Variants in NFIB observed in about 807,000 individuals in gnomAD.
The protein encoded by NFIB is nuclear factor I B.
A neutral mutation model predicts 61.5 loss-of-function variants in NFIB; 11 were observed. The ratio of observed to expected loss-of-function variants is 0.18; its 90% CI spans 0.11 to 0.30. The LOEUF is 0.30. Among genes scored for constraint, NFIB ranks in the 10% least tolerant of loss-of-function variants. The pLI is 1.00. For synonymous variants in NFIB, 260 were observed against 216.5 expected (o/e 1.20, Z -1.76); for missense variants, 471 against 608.9 (o/e 0.77, Z 2.38).
intron 2 of NFIB, among the ~76,000 whole-genome samples, chr9:14,246,544 C>T (rs1489636557): frequency 6.6e-6 from 1 of 152,220 alleles, no homozygotes; most frequent in Non-Finnish European, 1.5e-5. Context: ...TCTATTTCCA[C>T]ACATCTCATA....
At chr9:14,519,379 C>A in the NFIB span, among the ~76,000 whole-genome samples, 1,877 of 152,202 alleles carry the variant, frequency 0.012, 49 homozygotes, top group African/African-American at 0.044. Context: ...AGTAAATACA[C>A]TAAACAGGAG....
chr9:14,491,926 C>G, the NFIB span, among the ~76,000 whole-genome samples: 1 of 152,144 alleles, frequency 6.6e-6, no homozygotes, highest in African/African-American at 2.4e-5. Flanking sequence ...GTCTCAGAAT[C>G]TCATGCATTG....
At chr9:14,483,168 T>C in the NFIB span, among the ~76,000 whole-genome samples, 1,645 of 152,294 alleles carry the variant, frequency 0.011, 37 homozygotes, top group African/African-American at 0.038. Flanking sequence ...ACAGAAAGAA[T>C]TGTTATGTTT....
chr9:14,492,542 G>C, the NFIB span, among the ~76,000 whole-genome samples: 1 of 152,182 alleles, frequency 6.6e-6, no homozygotes. Context: ...CAAAGGGGAA[G>C]CAGCACTTCA....
At chr9:14,407,057 C>T in the NFIB span, among the ~76,000 whole-genome samples, 1 of 152,180 alleles carries the variant, frequency 6.6e-6, no homozygotes, top group Non-Finnish European at 1.5e-5. Flanking sequence ...TTCTGTGGCC[C>T]TCTTGGCAAC....
the NFIB span, among the ~76,000 whole-genome samples, chr9:14,463,327 G>T: frequency 6.6e-6 from 1 of 151,884 alleles, no homozygotes; most frequent in African/African-American, 2.4e-5. Context: ...TTGGATAAAT[G>T]GAGAGCTATA....
At chr9:14,166,533 C>T (rs1056633103) in intron 3 of NFIB, among the ~76,000 whole-genome samples, 2 of 152,180 alleles carry the variant, frequency 1.3e-5, no homozygotes, top group African/African-American at 4.8e-5. Flanking sequence ...AAAATTTCAA[C>T]AGGATATATT....
the NFIB span, among the ~76,000 whole-genome samples, chr9:14,517,793 G>C: frequency 6.6e-6 from 1 of 152,060 alleles, no homozygotes; most frequent in African/African-American, 2.4e-5. Flanking sequence ...TTTTCCATGG[G>C]CTGTTTCCCA....
intron 2 of NFIB, among the ~76,000 whole-genome samples, chr9:14,225,821 C>G (rs1288821890): frequency 1.3e-5 from 2 of 151,958 alleles, no homozygotes; most frequent in Admixed American, 6.6e-5. Flanking sequence ...AAGATCCAAG[C>G]CAAATGTTTT....
In NFIB at chr9:14,083,670, A is replaced by G; in HGVS notation, c.*4639T>C. 8.9e-6 allele frequency: 2 copies of G among 224,572 alleles called. No homozygotes were observed. Among genetic ancestry groups the G allele is most frequent in the Non-Finnish European group, 1.8e-5 (2 of 112,266 alleles). 13.9% of individuals were successfully genotyped at this position (224,572 alleles called of 1,614,324 possible). A position where few individuals can be genotyped will look rare whatever the true frequency, so the allele number is the denominator to read the frequency against. ...TAAAAATGAATACTGTACACTGAAT[A>G]TGGGATAACTTTCTGCAGCCTTCAT... On this transcript the variant is annotated 3_prime_UTR_variant, in exon 11 of 11. Coordinates refer to ENST00000380953, the MANE Select transcript of NFIB (RefSeq NM_001190737.2).
intron 2 of NFIB, among the ~76,000 whole-genome samples, chr9:14,255,001 C>A (rs1451988876): frequency 6.6e-6 from 1 of 152,096 alleles, no homozygotes; most frequent in East Asian, 1.9e-4. Flanking sequence ...TCAGGAAGAT[C>A]ACTTGAGGAT....
intron 2 of NFIB, among the ~76,000 whole-genome samples, chr9:14,285,019 G>A (rs1258095332): frequency 6.6e-6 from 1 of 152,180 alleles, no homozygotes; most frequent in East Asian, 1.9e-4. Flanking sequence ...GAGAAAGACT[G>A]CTTAGTTTAA....
chr9:14,481,094 G>A, the NFIB span, among the ~76,000 whole-genome samples: 1 of 150,084 alleles, frequency 6.7e-6, no homozygotes, highest in Non-Finnish European at 1.5e-5. Flanking sequence ...GGAAGCGCTA[G>A]GCTGTAAACT....
rs191834125 is a variant in NFIB, at chr9:14,373,172, A to C, written c.108+25352T>G. ...AACACCAAAAGATTCATTCACCTTG[A>C]ATAAGAGGACAGATTTCTGTAAAGG... is the stretch of plus-strand genomic sequence containing the variant. On this transcript the variant is annotated intron_variant, in intron 1 of 8. Coordinates refer to the NFIB transcript ENST00000380934. Among the ~76,000 whole-genome samples the C allele has an allele frequency of 3.9e-5, 6 of 152,332 alleles. No individual in the cohort carries two copies. In the East Asian group the frequency reaches 1.2e-3, roughly 29 times the overall value.
chr9:14,398,824 T>C (rs2061714054), exon 1 of NFIB: 2 of 506,762 alleles, frequency 3.9e-6, no homozygotes, highest in Non-Finnish European at 6.9e-6. Flanking sequence ...AAAAACAAAA[T>C]AGAACAAGAA....
chr9:14,117,420 G>A (rs971513780), intron 8 of NFIB, among the ~76,000 whole-genome samples: 3 of 152,000 alleles, frequency 2.0e-5, no homozygotes, highest in Admixed American at 6.6e-5. Context: ...TCCACTGCAC[G>A]GTGTTCATCG....
intron 2 of NFIB, among the ~76,000 whole-genome samples, chr9:14,265,850 G>GTA (rs1309864136): frequency 5.3e-5 from 8 of 152,312 alleles, no homozygotes; most frequent in Admixed American, 5.2e-4. Flanking sequence ...CTAGCATTCT[G>GTA]TAATCAGTCT....
the NFIB span, among the ~76,000 whole-genome samples, chr9:14,513,168 C>CT: frequency 2.0e-5 from 3 of 151,956 alleles, no homozygotes; most frequent in Non-Finnish European, 2.9e-5. Context: ...TTTGTTTTCT[C>CT]TTTTTTCTTC....
chr9:14,193,606 A>C (rs1482897178), intron 2 of NFIB, among the ~76,000 whole-genome samples: 6 of 152,192 alleles, frequency 3.9e-5, no homozygotes, highest in Non-Finnish European at 8.8e-5. Context: ...AAATAAGACA[A>C]AAGTATTTTT....
Sources: allele counts gnomAD v4.1 joint callset (sites outside exome capture counted in the v4.1 genomes callset), GRCh38; gene constraint gnomAD v4.1.1; transcripts MANE v1.5; gene names NCBI Gene and HGNC (gene_info 2026-07-23, HGNC 2026-07-21).